The following SNX29 variants were observed in gnomAD, a reference collection of about 807,000 sequenced individuals.
SNX29 encodes sorting nexin 29.
SNX29 carries 78 observed loss-of-function variants against 102.1 expected under a neutral mutation model. The ratio of observed to expected loss-of-function variants is 0.76; its 90% CI spans 0.64 to 0.92. SNX29 has a LOEUF of 0.92. Among genes scored for constraint, SNX29 ranks in the 40% least tolerant of loss-of-function variants. The pLI is 0.00. For missense variants in SNX29, 1,280 were observed against 1,061.7 expected (o/e 1.21, Z -2.86); for synonymous variants, 580 against 414.5 (o/e 1.40, Z -4.85).
At chr16:12,538,824 C>T (rs904454913) in intron 20 of SNX29, among the ~76,000 whole-genome samples, 3 of 152,164 alleles carry the variant, frequency 2.0e-5, no homozygotes, top group African/African-American at 4.8e-5. Context: ...AGTGGGAGGG[C>T]ACTGCAAAGT....
At chr16:12,170,614 G>A (rs553126147) in intron 13 of SNX29, among the ~76,000 whole-genome samples, 1 of 152,112 alleles carries the variant, frequency 6.6e-6, no homozygotes, top group East Asian at 1.9e-4. Context: ...AGGCTTCTGG[G>A]ACTTCTCACG....
At chr16:12,068,236 G>A (rs2051126891) in intron 9 of SNX29, among the ~76,000 whole-genome samples, 1 of 152,082 alleles carries the variant, frequency 6.6e-6, no homozygotes, top group Admixed American at 6.6e-5. Context: ...CAGCACTTTG[G>A]GAGGCCAGGG....
intron 7 of SNX29, among the ~76,000 whole-genome samples, chr16:12,050,589 C>T (rs185978396): frequency 6.6e-6 from 1 of 152,258 alleles, no homozygotes; most frequent in Admixed American, 6.5e-5. Flanking sequence ...CTCATAGCCT[C>T]TCATCCTCCA....
At chr16:12,203,927 C>T (rs2076981130) in intron 14 of SNX29, among the ~76,000 whole-genome samples, 1 of 152,222 alleles carries the variant, frequency 6.6e-6, no homozygotes, top group Admixed American at 6.5e-5. Context: ...CCAGTTTTCA[C>T]TTGACCAGCG....
intron 16 of SNX29, among the ~76,000 whole-genome samples, chr16:12,356,570 GGTAAATTTCCATGAGCA>G (rs2082143412): frequency 6.6e-6 from 1 of 152,066 alleles, no homozygotes; most frequent in African/African-American, 2.4e-5. Flanking sequence ...TTACTACATG[GGTAAATTTCCATGAGCA>G]GTAAACAGTC....
At chr16:12,355,145 G>A (rs865941593) in intron 15 of SNX29, among the ~76,000 whole-genome samples, 1 of 152,152 alleles carries the variant, frequency 6.6e-6, no homozygotes, top group Non-Finnish European at 1.5e-5. Flanking sequence ...TCAAATAAAA[G>A]TAGAAAGAAT....
At position 11,983,952 on chromosome 16, in the gene SNX29, A is replaced by T. The variant is rs559055841; in HGVS notation, c.7+7139A>T. ...TTACTTGGATGTATAAAGCACAGAT[A>T]GGCATATAGTACATAAACAGATGTA... On this transcript the variant is annotated intron_variant, in intron 1 of 20. Transcript: ENST00000566228. 4.6e-4 allele frequency among the ~76,000 whole-genome samples: 70 copies of T among 152,232 alleles called. 2 individuals are homozygous for T. Among genetic ancestry groups the T allele is most frequent in the Non-Finnish European group, 1.8e-4 (12 of 68,036 alleles).
intron 11 of SNX29, chr16:12,087,921 G>A (rs1030529737): frequency 5.0e-5 from 23 of 456,644 alleles, no homozygotes; most frequent in African/African-American, 3.8e-4. Context: ...AGCTGCTGCC[G>A]CCTCTGCAAT....
At chr16:12,170,489 G>T (rs549077138) in intron 13 of SNX29, among the ~76,000 whole-genome samples, 34 of 151,986 alleles carry the variant, frequency 2.2e-4, no homozygotes, top group African/African-American at 7.7e-4. Flanking sequence ...GGGTGTGCCT[G>T]CCTGCTGGTA....
intron 9 of SNX29, among the ~76,000 whole-genome samples, chr16:12,066,068 T>G (rs894133966): frequency 6.6e-6 from 1 of 152,198 alleles, no homozygotes; most frequent in East Asian, 1.9e-4. Context: ...GGCAATCACC[T>G]GGGACCGTGT....
intron 15 of SNX29, among the ~76,000 whole-genome samples, chr16:12,303,531 C>T (rs2080247825): frequency 2.0e-5 from 3 of 152,060 alleles, no homozygotes; most frequent in Admixed American, 1.3e-4. Context: ...TAGAATGGAA[C>T]AGGAGGTAGG....
At chr16:12,421,893 G>A (rs1162583334) in intron 18 of SNX29, among the ~76,000 whole-genome samples, 8 of 142,774 alleles carry the variant, frequency 5.6e-5, no homozygotes, top group South Asian at 2.2e-4. Flanking sequence ...ATCACCAGCC[G>A]TCCATCACCA....
At position 12,078,859 on chromosome 16, in the gene SNX29, G is replaced by A. The variant is rs771426613; in HGVS notation, c.1346G>A (p.Gly449Glu). ...YSVEASSPGH[G>E]SPLSSLLPSA... ...GTGGAAGCCAGCTCTCCAGGCCACG[G>A]AAGTCCTCTGAGCAGCCTGTTACCT... is the stretch of plus-strand genomic sequence containing the variant. Residue 449 changes from glycine to glutamate, a missense_variant, in exon 11 of 21, where the codon GGA becomes GAA. Transcript: ENST00000566228. 2 of 1,606,646 alleles carry A rather than the reference G, an allele frequency of 1.2e-6. No individual in the cohort carries two copies. Among genetic ancestry groups the A allele is most frequent in the Admixed American group, 1.7e-5 (1 of 58,900 alleles).
chr16:12,071,847 T>G (rs2051315447), intron 10 of SNX29, among the ~76,000 whole-genome samples: 2 of 152,226 alleles, frequency 1.3e-5, no homozygotes, highest in Non-Finnish European at 2.9e-5. Flanking sequence ...TTTATTTCAT[T>G]GAGCAGTGGT....
At chr16:12,412,365 C>T (rs888212462) in intron 18 of SNX29, among the ~76,000 whole-genome samples, 1 of 152,202 alleles carries the variant, frequency 6.6e-6, no homozygotes, top group Non-Finnish European at 1.5e-5. Context: ...GCGTGTGCTT[C>T]ACAAATTTGT....
In SNX29 at chr16:12,550,625, A is replaced by T. The variant is rs556570971; in HGVS notation, c.2319-17881A>T. On this transcript the variant is annotated intron_variant, in intron 20 of 20. Transcript: ENST00000566228. ...TCTATGTGTAATGTATACCTGTAGA[A>T]AGACACATTAAAAAGTAACCGTCAC... Among the ~76,000 whole-genome samples the T allele has an allele frequency of 2.6e-4, 40 of 152,084 alleles. 1 individual carries two copies. The highest frequency in any genetic ancestry group is 9.6e-4 in the African/African-American group (40 of 41,522).
At chr16:12,560,184 C>G (rs963304822) in intron 20 of SNX29, among the ~76,000 whole-genome samples, 1 of 143,378 alleles carries the variant, frequency 7.0e-6, no homozygotes, top group Non-Finnish European at 1.5e-5. Context: ...TTTAATTCAC[C>G]ATTTAACTTG....
intron 20 of SNX29, among the ~76,000 whole-genome samples, chr16:12,558,247 G>A (rs984557761): frequency 1.2e-4 from 19 of 152,236 alleles, no homozygotes; most frequent in African/African-American, 4.3e-4. Context: ...CCAGTAGATG[G>A]TATCTGAGGT....
chr16:12,125,674 T>TCCTGGC (rs1252663407), intron 11 of SNX29, among the ~76,000 whole-genome samples: 1 of 128,306 alleles, frequency 7.8e-6, no homozygotes, highest in Non-Finnish European at 1.6e-5. Flanking sequence ...ACCAGGCTGG[T>TCCTGGC]CCTGAACTCC....
Sources: gnomAD v4.1 joint callset for allele counts (sites outside exome capture counted in the v4.1 genomes callset) on GRCh38, gnomAD v4.1.1 for gene constraint, MANE v1.5 for transcripts, NCBI Gene and HGNC (gene_info 2026-07-23, HGNC 2026-07-21) for gene names.